NKAIN2: variants seen among roughly 807,000 people sequenced by gnomAD.
NKAIN2 encodes the protein sodium/potassium-transporting ATPase subunit beta-1-interacting protein 2.
NKAIN2 carries 14 observed loss-of-function variants against 32.6 expected under a neutral mutation model. The observed-to-expected ratio is 0.43, with a 90% confidence interval of 0.28 to 0.67. The LOEUF (loss-of-function observed/expected upper bound fraction) is 0.67. NKAIN2 is among the 30% of genes least tolerant of loss of function. The probability of loss-of-function intolerance (pLI) is 0.17; values close to 1 mark genes in which losing one functional copy is unlikely to be tolerated. For synonymous variants in NKAIN2, 80 were observed against 87.2 expected (o/e 0.92, Z 0.46); for missense variants, 198 against 258.3 (o/e 0.77, Z 1.60).
chr6:124,536,065 C>T (rs142195045), intron 3 of NKAIN2, among the ~76,000 whole-genome samples: 1 of 152,290 alleles, frequency 6.6e-6, no homozygotes, highest in East Asian at 1.9e-4. Context: ...CAGAAGAGGC[C>T]ATCCCTGGAC....
chr6:123,821,833 T>C (rs1410291628), intron 1 of NKAIN2, among the ~76,000 whole-genome samples: 1 of 152,178 alleles, frequency 6.6e-6, no homozygotes, highest in Non-Finnish European at 1.5e-5. Flanking sequence ...TCTAAGAAGA[T>C]GTCAAATATT....
At chr6:124,374,083 A>G (rs1799882710) in intron 3 of NKAIN2, among the ~76,000 whole-genome samples, 2 of 152,254 alleles carry the variant, frequency 1.3e-5, no homozygotes, top group Admixed American at 6.5e-5. Context: ...TGAGTAACTT[A>G]GAGAGGATGG....
At chr6:124,279,376 G>A (rs1049367904) in intron 1 of NKAIN2, among the ~76,000 whole-genome samples, 46 of 151,778 alleles carry the variant, frequency 3.0e-4, no homozygotes, top group African/African-American at 1.0e-3. Flanking sequence ...GTGTGGTGGC[G>A]GGCACCTGTA....
In NKAIN2 at chr6:124,415,878, C is replaced by CTTTTTTTTTTTTTTTTTTTTT; in HGVS notation, c.273+60548_273+60549insTTTTTTTTTTTTTTTTTTTTT. Among the ~76,000 whole-genome samples the CTTTTTTTTTTTTTTTTTTTTT allele has an allele frequency of 6.6e-4, 48 of 72,602 alleles. 3 individuals are homozygous for CTTTTTTTTTTTTTTTTTTTTT. Among genetic ancestry groups the CTTTTTTTTTTTTTTTTTTTTT allele is most frequent in the Non-Finnish European group, 9.1e-4 (35 of 38,446 alleles). 47.6% of individuals were successfully genotyped at this position (72,602 alleles called of 152,430 possible). On this transcript the variant is annotated intron_variant, in intron 3 of 6. Coordinates refer to ENST00000368417, the MANE Select transcript of NKAIN2 (RefSeq NM_001040214.3). ...TTTTTTAATTTGCTTTTTTTATTTGCTTTTTTTTTTTTTTTTTGCTAATTT... is the reference window on the plus strand; with the variant it reads ...TTTTTTAATTTGCTTTTTTTATTTGCTTTTTTTTTTTTTTTTTTTTTTTTTTTTTTTTTTTTTTGCTAATTT...
At chr6:124,734,119 A>G (rs1343838811) in intron 4 of NKAIN2, among the ~76,000 whole-genome samples, 1 of 151,546 alleles carries the variant, frequency 6.6e-6, no homozygotes, top group Non-Finnish European at 1.5e-5. Context: ...CAAAACAAAA[A>G]CAAACTGAAA....
chr6:124,085,197 A>G (rs1187595385), intron 1 of NKAIN2, among the ~76,000 whole-genome samples: 1 of 152,068 alleles, frequency 6.6e-6, no homozygotes, highest in Admixed American at 6.6e-5. Context: ...GTTGGAATTC[A>G]CATTTATGTG....
At chr6:124,147,463 A>G (rs374819299) in intron 1 of NKAIN2, among the ~76,000 whole-genome samples, 2 of 152,296 alleles carry the variant, frequency 1.3e-5, no homozygotes, top group Non-Finnish European at 2.9e-5. Context: ...ATAAGATCCA[A>G]TTTCTGCCTA....
intron 4 of NKAIN2, among the ~76,000 whole-genome samples, chr6:124,691,603 A>G (rs1298265626): frequency 1.3e-5 from 2 of 152,024 alleles, no homozygotes; most frequent in African/African-American, 4.8e-5. Flanking sequence ...ACAGCTTTAC[A>G]TTTTTATTTT....
chr6:124,638,251 C>T (rs1013975416), intron 3 of NKAIN2, among the ~76,000 whole-genome samples: 1 of 151,912 alleles, frequency 6.6e-6, no homozygotes, highest in African/African-American at 2.4e-5. Flanking sequence ...TCACCATATC[C>T]AAAAATCAAC....
Position 124,316,530 on chromosome 6 carries a change from A to G in NKAIN2, c.192+33388A>G, listed in dbSNP as rs1221558298. Among the ~76,000 whole-genome samples the G allele has an allele frequency of 2.6e-5, 4 of 152,132 alleles. 1 individual carries two copies. Among genetic ancestry groups the G allele is most frequent in the Admixed American group, 2.6e-4 (4 of 15,240 alleles). ...TTTATACACTGAGTGTCCAAGAGTC[A>G]CTAGTTTAATTAAGTAATTTTATGA... On this transcript the variant is annotated intron_variant, in intron 2 of 6. Coordinates refer to ENST00000368417, the MANE Select transcript of NKAIN2 (RefSeq NM_001040214.3).
chr6:124,693,234 G>T (rs967977812), intron 4 of NKAIN2, among the ~76,000 whole-genome samples: 1 of 152,070 alleles, frequency 6.6e-6, no homozygotes, highest in Non-Finnish European at 1.5e-5. Context: ...ATGTTTTCTA[G>T]GTTTAGACAT....
chr6:123,824,008 G>A (rs1470693509), intron 1 of NKAIN2, among the ~76,000 whole-genome samples: 1 of 152,082 alleles, frequency 6.6e-6, no homozygotes, highest in African/African-American at 2.4e-5. Flanking sequence ...AGATCCTTGG[G>A]GTTTAGCTTT....
chr6:124,117,358 T>G (rs1011863109), intron 1 of NKAIN2, among the ~76,000 whole-genome samples: 10 of 152,182 alleles, frequency 6.6e-5, no homozygotes, highest in Non-Finnish European at 1.2e-4. Context: ...TTTCTCAATA[T>G]TTTTGATTGT....
intron 1 of NKAIN2, among the ~76,000 whole-genome samples, chr6:123,969,224 A>C (rs1404675679): frequency 6.6e-6 from 1 of 152,138 alleles, no homozygotes; most frequent in Non-Finnish European, 1.5e-5. Flanking sequence ...ACAAAATGGC[A>C]AGCGCCTTAG....
intron 3 of NKAIN2, among the ~76,000 whole-genome samples, chr6:124,626,094 T>TC (rs145583253): frequency 0.22 from 19,614 of 90,426 alleles, 2,187 homozygotes; most frequent in Middle Eastern, 0.38. Context: ...CCCTCCCCAC[T>TC]CCCCACACCC....
chr6:124,306,927 T>C (rs1433950488), intron 2 of NKAIN2, among the ~76,000 whole-genome samples: 1 of 152,156 alleles, frequency 6.6e-6, no homozygotes, highest in Non-Finnish European at 1.5e-5. Flanking sequence ...AAAACGAGCT[T>C]AAATTGAAAG....
rs149321217 is a variant in NKAIN2 at position 124,276,293 on chromosome 6, A to AACACACACACACAC, written c.55-6694_55-6681dup. On this transcript the variant is annotated intron_variant, in intron 1 of 6. Coordinates refer to ENST00000368417, the MANE Select transcript of NKAIN2 (RefSeq NM_001040214.3). ...CAATTTTATTTTCTTCCCCTTGGTG[A>AACACACACACACAC]ACACACACACACACACACACACACA... Among the ~76,000 whole-genome samples, 638 of 145,942 alleles carry AACACACACACACAC rather than the reference A, an allele frequency of 4.4e-3. 4 individuals are homozygous for AACACACACACACAC. Among genetic ancestry groups the AACACACACACACAC allele is most frequent in the African/African-American group, 0.015 (588 of 39,866 alleles).
intron 2 of NKAIN2, among the ~76,000 whole-genome samples, chr6:124,337,544 A>G (rs972215994): frequency 6.6e-6 from 1 of 152,078 alleles, no homozygotes; most frequent in Non-Finnish European, 1.5e-5. Flanking sequence ...CAATAAATAA[A>G]CTTAAGCACC....
chr6:124,576,519 G>A (rs1265579700), intron 3 of NKAIN2, among the ~76,000 whole-genome samples: 3 of 152,144 alleles, frequency 2.0e-5, no homozygotes, highest in East Asian at 1.9e-4. Flanking sequence ...GTGATTCTTA[G>A]CACTATTAAG....
Sources: allele counts gnomAD v4.1 joint callset (sites outside exome capture counted in the v4.1 genomes callset), GRCh38; gene constraint gnomAD v4.1.1; transcripts MANE v1.5; gene names NCBI Gene and HGNC (gene_info 2026-07-23, HGNC 2026-07-21).